PCDH7: variants seen among roughly 807,000 people sequenced by gnomAD.
PCDH7 encodes the protein protocadherin 7, also known as protocadherin-7.
PCDH7 carries 17 observed loss-of-function variants against 58.9 expected under a neutral mutation model. The observed-to-expected ratio is 0.29, with a 90% CI of 0.20 to 0.43. The LOEUF is 0.43. Ranked by LOEUF, PCDH7 falls within the 20% of genes least tolerant of loss-of-function variation. PCDH7 has a pLI of 1.00. For synonymous variants in PCDH7, 664 were observed against 616.4 expected, an observed-to-expected ratio of 1.08 and a Z score of -1.14; for missense variants, 1,274 against 1,441.0, an observed-to-expected ratio of 0.88 and a Z score of 1.88.
chr4:30,905,734 G>T (rs1204274610), intron 1 of PCDH7, among the ~76,000 whole-genome samples: 1 of 152,118 alleles, frequency 6.6e-6, no homozygotes, highest in Non-Finnish European at 1.5e-5. Context: ...TCTTTCTGTG[G>T]GTGTAATCAT....
At chr4:30,724,885 A>AT (rs1271146759) in intron 1 of PCDH7, 70 of 1,190,162 alleles carry the variant, frequency 5.9e-5, no homozygotes, top group African/African-American at 7.9e-5. Context: ...TTCATACTAC[A>AT]TTTTTTTGTT....
chr4:30,938,591 C>T (rs960049963), intron 2 of PCDH7, among the ~76,000 whole-genome samples: 3 of 151,894 alleles, frequency 2.0e-5, no homozygotes, highest in Non-Finnish European at 4.4e-5. Flanking sequence ...AATAAATTAT[C>T]CTTTCCAAAA....
chr4:30,739,263 T>G (rs1716758994), intron 1 of PCDH7, among the ~76,000 whole-genome samples: 1 of 150,442 alleles, frequency 6.6e-6, no homozygotes, highest in Non-Finnish European at 1.5e-5. Flanking sequence ...TTCCTCCTTC[T>G]TTTCCTTTGG....
At chr4:30,999,777 A>C (rs1202329767) in intron 3 of PCDH7, among the ~76,000 whole-genome samples, 1 of 152,146 alleles carries the variant, frequency 6.6e-6, no homozygotes, top group Non-Finnish European at 1.5e-5. Context: ...GTTAGGGAGA[A>C]TTGATTCTTC....
At chr4:31,048,599 T>C (rs1453674955) in intron 3 of PCDH7, among the ~76,000 whole-genome samples, 1 of 152,088 alleles carries the variant, frequency 6.6e-6, no homozygotes, top group Non-Finnish European at 1.5e-5. Context: ...TGAATTTATA[T>C]GGGATGCCCA....
At chr4:30,813,878 G>C (rs780374042) in intron 1 of PCDH7, among the ~76,000 whole-genome samples, 3 of 152,146 alleles carry the variant, frequency 2.0e-5, no homozygotes, top group African/African-American at 4.8e-5. Context: ...CTGACCTCGT[G>C]ATCTGCCAGC....
intron 1 of PCDH7, among the ~76,000 whole-genome samples, chr4:30,872,720 A>G (rs547323200): frequency 1.3e-5 from 2 of 152,230 alleles, no homozygotes; most frequent in Admixed American, 6.5e-5. Context: ...AGTTTTTTAC[A>G]TAGCACTTCC....
chr4:31,020,638 G>C (rs1209257565), intron 3 of PCDH7, among the ~76,000 whole-genome samples: 1 of 152,224 alleles, frequency 6.6e-6, no homozygotes, highest in African/African-American at 2.4e-5. Flanking sequence ...CCTGTGTGCA[G>C]AAGGGTGTGG....
At chr4:31,125,094 G>T (rs1718142091) in intron 3 of PCDH7, among the ~76,000 whole-genome samples, 1 of 152,090 alleles carries the variant, frequency 6.6e-6, no homozygotes, top group South Asian at 2.1e-4. Context: ...GCTGAATATG[G>T]CTTTAATGAT....
At chr4:30,786,921 G>A (rs1723474596) in intron 1 of PCDH7, 1 of 192,274 alleles carries the variant, frequency 5.2e-6, no homozygotes, top group Admixed American at 6.5e-5. Flanking sequence ...ATGAAGCTTT[G>A]AGTTTGAAGA....
intron 3 of PCDH7, among the ~76,000 whole-genome samples, chr4:31,107,265 T>G (rs1715695377): frequency 6.6e-6 from 1 of 152,134 alleles, no homozygotes; most frequent in Non-Finnish European, 1.5e-5. Context: ...GAAGGCTAAA[T>G]GGTGATAGAA....
At chr4:30,775,590 T>A (rs1011685180) in intron 1 of PCDH7, among the ~76,000 whole-genome samples, 2 of 152,152 alleles carry the variant, frequency 1.3e-5, no homozygotes, top group African/African-American at 4.8e-5. Flanking sequence ...TCTGTTGTGC[T>A]TTCTCTCATT....
At chr4:31,139,725 G>T (rs1312717124) in intron 3 of PCDH7, among the ~76,000 whole-genome samples, 1 of 152,134 alleles carries the variant, frequency 6.6e-6, no homozygotes, top group Non-Finnish European at 1.5e-5. Context: ...TATTTCTTTG[G>T]AAGATTCACT....
intron 3 of PCDH7, among the ~76,000 whole-genome samples, chr4:31,064,557 G>A (rs1375221910): frequency 6.6e-6 from 1 of 151,942 alleles, no homozygotes; most frequent in Non-Finnish European, 1.5e-5. Flanking sequence ...AGCCTCTAAA[G>A]TAGAACCTTT....
intron 1 of PCDH7, among the ~76,000 whole-genome samples, chr4:30,750,369 A>C (rs968250118): frequency 6.6e-6 from 1 of 152,152 alleles, no homozygotes; most frequent in Non-Finnish European, 1.5e-5. Flanking sequence ...ATTGCAGTTC[A>C]TATTGGTCAA....
At chr4:30,829,125 T>A (rs1331840481) in intron 1 of PCDH7, among the ~76,000 whole-genome samples, 5 of 151,978 alleles carry the variant, frequency 3.3e-5, no homozygotes, top group African/African-American at 1.2e-4. Context: ...TAGCTGCCAT[T>A]CTTTTGTGTT....
At chr4:30,734,392 C>T (rs931783355), downstream of PCDH7, among the ~76,000 whole-genome samples, 1 of 152,084 alleles carries the variant, frequency 6.6e-6, no homozygotes, top group Non-Finnish European at 1.5e-5. Context: ...GCCACCATGC[C>T]TGGCTAATTT....
intron 3 of PCDH7, among the ~76,000 whole-genome samples, chr4:31,082,899 G>A (rs1711729276): frequency 6.6e-6 from 1 of 152,102 alleles, no homozygotes; most frequent in South Asian, 2.1e-4. Flanking sequence ...ACGAGGTCAG[G>A]AGATCGAGAC....
intron 1 of PCDH7, among the ~76,000 whole-genome samples, chr4:30,909,261 A>T (rs1195709956): frequency 6.6e-6 from 1 of 152,212 alleles, no homozygotes; most frequent in East Asian, 1.9e-4. Context: ...TTCTGTTTGA[A>T]AAACGGCACA....
Sources: allele counts gnomAD v4.1 joint callset (sites outside exome capture counted in the v4.1 genomes callset), GRCh38; gene constraint gnomAD v4.1.1; transcripts MANE v1.5; gene names NCBI Gene and HGNC (gene_info 2026-07-23, HGNC 2026-07-21).